PTER: variants seen among roughly 807,000 people sequenced by gnomAD.
PTER encodes phosphotriesterase related, also known as N-acetyltaurine hydrolase.
A neutral mutation model predicts 29.6 loss-of-function variants in PTER; 38 were observed. The observed-to-expected ratio is 1.28, with a 90% CI of 0.99 to 1.68. The LOEUF is 1.68. PTER is among the 40% of genes most tolerant of loss of function. PTER has a pLI of 0.00. For synonymous variants in PTER, 172 were observed against 154.5 expected (o/e 1.11, Z -0.84); for missense variants, 482 against 427.8 (o/e 1.13, Z -1.12).
intron 1 of PTER, among the ~76,000 whole-genome samples, chr10:16,476,632 C>G (rs1275125349): frequency 6.6e-6 from 1 of 151,900 alleles, no homozygotes; most frequent in Non-Finnish European, 1.5e-5. Flanking sequence ...GTGGTGTGAT[C>G]AAGGCTCACT....
intron 1 of PTER, among the ~76,000 whole-genome samples, chr10:16,453,066 T>C: frequency 6.6e-6 from 1 of 152,068 alleles, no homozygotes; most frequent in East Asian, 1.9e-4. Context: ...TCTTATTTTT[T>C]AATATAATAG....
At chr10:16,451,637 G>A (rs913757124) in intron 1 of PTER, among the ~76,000 whole-genome samples, 9 of 152,128 alleles carry the variant, frequency 5.9e-5, no homozygotes, top group South Asian at 2.1e-4. Flanking sequence ...ACTTGAACCC[G>A]GGAGGCAGAG....
intron 3 of PTER, among the ~76,000 whole-genome samples, chr10:16,496,489 G>A (rs1466197010): frequency 6.6e-6 from 1 of 152,130 alleles, no homozygotes; most frequent in Non-Finnish European, 1.5e-5. Flanking sequence ...TCTCTGCTAG[G>A]AATGTTCTAT....
intron 1 of PTER, among the ~76,000 whole-genome samples, chr10:16,458,331 C>T (rs896281587): frequency 1.3e-5 from 2 of 152,060 alleles, no homozygotes; most frequent in African/African-American, 4.8e-5. Flanking sequence ...TATGCTAATA[C>T]TATTAAAATG....
At chr10:16,486,285 A>G (rs1835690338) in intron 2 of PTER, 67 bp from the exon 3 acceptor site, 1 of 1,386,612 alleles carries the variant, frequency 7.2e-7, no homozygotes, top group Non-Finnish European at 9.9e-7. Flanking sequence ...TCATTCACAT[A>G]CTGTGGTGGA....
At chr10:16,491,866 C>A (rs1005880100) in intron 3 of PTER, among the ~76,000 whole-genome samples, 1 of 152,038 alleles carries the variant, frequency 6.6e-6, no homozygotes, top group Non-Finnish European at 1.5e-5. Context: ...ACAGTGTGCC[C>A]CCAATCACAT....
intron 1 of PTER, among the ~76,000 whole-genome samples, chr10:16,460,961 C>T (rs1834592126): frequency 6.6e-6 from 1 of 152,146 alleles, no homozygotes; most frequent in East Asian, 1.9e-4. Context: ...AGGTGATCCA[C>T]CTGCTTCAGC....
At position 16,513,313 on chromosome 10, in the gene PTER, T is replaced by G; in HGVS notation, c.*2057T>G. 6.6e-6 allele frequency: 1 copy of G among 152,598 alleles called. No individual in the cohort carries two copies. The highest frequency in any genetic ancestry group is 1.5e-5 in the Non-Finnish European group (1 of 67,988). The allele number at this position is 152,598 out of a possible 1,614,324, so 9.5% of individuals were successfully genotyped here. The stretch of plus-strand genomic sequence containing the variant: ...AATAAGTTAAATAATTTGTGCATGT[T>G]TGTGTGTGTATATATGCATACACTT... On this transcript the variant is annotated 3_prime_UTR_variant, in exon 5 of 5. Transcript: ENST00000535784.
chr10:16,462,635 A>G (rs1055432637), intron 1 of PTER, among the ~76,000 whole-genome samples: 2 of 150,550 alleles, frequency 1.3e-5, no homozygotes, highest in Non-Finnish European at 2.9e-5. Context: ...CAGTGATGCA[A>G]TCTTAGCGCT....
intron 3 of PTER, among the ~76,000 whole-genome samples, chr10:16,489,699 A>G (rs903590624): frequency 6.6e-6 from 1 of 152,182 alleles, no homozygotes; most frequent in Non-Finnish European, 1.5e-5. Context: ...TGTACAGTTC[A>G]GTAATGTTGA....
intron 3 of PTER, among the ~76,000 whole-genome samples, chr10:16,488,603 G>GGAGAGA (rs35122897): frequency 1.8e-3 from 239 of 134,022 alleles, no homozygotes; most frequent in South Asian, 4.1e-3. Flanking sequence ...ATATATATAT[G>GGAGAGA]GAGAGAGAGA....
intron 1 of PTER, among the ~76,000 whole-genome samples, chr10:16,455,076 C>T (rs1834347387): frequency 6.6e-6 from 1 of 150,934 alleles, no homozygotes; most frequent in Non-Finnish European, 1.5e-5. Context: ...AAAACATACA[C>T]AAATTACCTG....
rs567647687 is a variant in PTER, at chr10:16,467,984, T to C, written c.-48-16353T>C. 2.6e-5 allele frequency among the ~76,000 whole-genome samples: 4 copies of C among 152,324 alleles called. No individual in the cohort carries two copies. The South Asian group carries it at 8.3e-4, about 32-fold the overall frequency. ...TCCGATTTGGGAAAATAATGTCATA[T>C]TCCGTAAAAGGGCTGTGCTGTGATC... On this transcript the variant is annotated intron_variant, in intron 1 of 4. Transcript: ENST00000535784.
chr10:16,508,484 A>T (rs1422487727), intron 4 of PTER, among the ~76,000 whole-genome samples: 1 of 152,242 alleles, frequency 6.6e-6, no homozygotes, highest in Middle Eastern at 3.4e-3. Flanking sequence ...TGTGTCTCGC[A>T]TGAGGCTCCC....
At chr10:16,517,206 T>C (rs1212294317), downstream of PTER, among the ~76,000 whole-genome samples, 2 of 152,202 alleles carry the variant, frequency 1.3e-5, no homozygotes, top group Admixed American at 6.5e-5. Flanking sequence ...GAATTTACTC[T>C]AATATCTTTT....
chr10:16,516,383 C>T (rs1836951335), downstream of PTER, among the ~76,000 whole-genome samples: 1 of 151,966 alleles, frequency 6.6e-6, no homozygotes, highest in Admixed American at 6.6e-5. Context: ...GCCATTAATT[C>T]CCAGGGAAAC....
intron 1 of PTER, chr10:16,437,334 CT>C (rs67176246): frequency 0.047 from 6,504 of 138,414 alleles, 181 homozygotes; most frequent in East Asian, 0.15. Context: ...CTTTAATAAG[CT>C]TTTTTTTTTT....
At chr10:16,514,732 GAT>G (rs768270074), downstream of PTER, 12 of 1,568,958 alleles carry the variant, frequency 7.6e-6, no homozygotes, top group African/African-American at 1.6e-4. Context: ...CAAGAATTAG[GAT>G]GCGTAAATGA....
At chr10:16,476,909 T>C (rs554403288) in intron 1 of PTER, among the ~76,000 whole-genome samples, 45 of 121,710 alleles carry the variant, frequency 3.7e-4, no homozygotes, top group African/African-American at 1.6e-3. Context: ...TTCTTTTTTT[T>C]TTTTTTTTTT....
Sources: allele counts gnomAD v4.1 joint callset (sites outside exome capture counted in the v4.1 genomes callset), GRCh38; gene constraint gnomAD v4.1.1; transcripts MANE v1.5; gene names NCBI Gene and HGNC (gene_info 2026-07-23, HGNC 2026-07-21).